PRSS56: variants seen among roughly 807,000 people sequenced by gnomAD.
PRSS56 encodes protease, serine 56.
PRSS56 carries 55 observed loss-of-function variants against 66.8 expected under a neutral mutation model. The observed-to-expected ratio is 0.82, with a 90% CI of 0.66 to 1.03. The LOEUF (loss-of-function observed/expected upper bound fraction) is 1.03, where lower values mean the gene tolerates loss of function less well. PRSS56 is among the 50% of genes least tolerant of loss of function. The pLI is 0.00. For synonymous variants in PRSS56, 409 were observed against 387.9 expected, an observed-to-expected ratio of 1.05 and a Z score of -0.64; for missense variants, 869 against 837.2, an observed-to-expected ratio of 1.04 and a Z score of -0.47.
rs1691286838 is a variant in PRSS56, at chr2:232,521,956, C to T, written c.257-15C>T. 2.7e-6 allele frequency: 4 copies of T among 1,499,886 alleles called. No individual in the cohort carries two copies. Among genetic ancestry groups the T allele is most frequent in the Non-Finnish European group, 2.7e-6 (3 of 1,126,434 alleles). The allele number at this position is 1,499,886 out of a possible 1,614,324, so 92.9% of individuals were successfully genotyped here. ...CCAGAACATGTCCCTCGTGACACCC[C>T]TTGCCCCTTTCTAGGGCCGTGCGGC... On this transcript the variant is annotated splice_polypyrimidine_tract_variant and intron_variant, in intron 3 of 12. Coordinates refer to ENST00000617714, the MANE Select transcript of PRSS56 (RefSeq NM_001195129.2).
At position 232,523,351 on chromosome 2, in the gene PRSS56, GC is replaced by G. The variant is rs1691327263; in HGVS notation, c.850-63del. The G allele has an allele frequency of 7.0e-6, 10 of 1,426,302 alleles. No homozygotes were observed. In the East Asian group the frequency reaches 2.3e-4, roughly 33 times the overall value. The allele number at this position is 1,426,302 out of a possible 1,614,324, so 88.4% of individuals were successfully genotyped here. A position where few individuals can be genotyped will look rare whatever the true frequency, so the allele number is the denominator to read the frequency against. On this transcript the variant is annotated intron_variant, in intron 7 of 12. Coordinates refer to ENST00000617714, the MANE Select transcript of PRSS56 (RefSeq NM_001195129.2). ...GGACACAAGTGGCAAGCTCACACCT[GC>G]CAGGCGTAAGGCAGGCGTCATAGGG... is the stretch of plus-strand genomic sequence containing the variant.
chr2:232,524,414 G>A (rs1331480901), intron 11 of PRSS56, 45 bp downstream of exon 11: 8 of 1,516,062 alleles, frequency 5.3e-6, no homozygotes, highest in Middle Eastern at 1.9e-4. Context: ...TAGGCTGAGG[G>A]CCTGGACGAG....
intron 12 of PRSS56, 40 bp from the exon 13 acceptor site, chr2:232,525,176 T>A (rs1691396217): frequency 2.1e-6 from 3 of 1,430,558 alleles, no homozygotes; most frequent in Non-Finnish European, 2.7e-6. Flanking sequence ...AACTCAGGAG[T>A]GAGTTTCTGG....
rs2853446 is a variant in PRSS56, at chr2:232,524,616, C to T, written c.1415-122C>T. The T allele has an allele frequency of 0.48, 355,292 of 746,768 alleles. 86,241 individuals carry two copies. The highest frequency in any genetic ancestry group is 0.64 in the East Asian group (23,348 of 36,592). The allele number at this position is 746,768 out of a possible 1,614,324, so 46.3% of individuals were successfully genotyped here. ...ACTTCTCCGAGCCTCAGTTTCCCCA[C>T]CTATAGCATAAGAGGATAAGTGTGT... On this transcript the variant is annotated intron_variant, in intron 11 of 12. Transcript: ENST00000617714.
intron 3 of PRSS56, 42 bp from the exon 4 acceptor site, chr2:232,521,929 G>A: frequency 1.3e-6 from 2 of 1,521,426 alleles, no homozygotes; most frequent in Non-Finnish European, 1.8e-6. Context: ...AGGCGAGGAT[G>A]GCCAGAACAT....
intron 1 of PRSS56, 95 bp downstream of exon 1, chr2:232,520,790 A>C (rs946654175): frequency 1.3e-6 from 1 of 750,824 alleles, no homozygotes. Context: ...TGTCACCCCC[A>C]CTCATAAGGA....
chr2:232,523,394 G>T (rs1006340246), intron 7 of PRSS56, 22 bp from the exon 8 acceptor site: 3 of 1,434,706 alleles, frequency 2.1e-6, no homozygotes, highest in Non-Finnish European at 2.7e-6. Context: ...TGAATGCAGC[G>T]TCCTCTCTCT....
At position 232,522,783 on chromosome 2, in the gene PRSS56, G is replaced by A; in HGVS notation, c.628G>A (p.Val210Met). The A allele has an allele frequency of 6.6e-7, 1 of 1,519,622 alleles. No individual in the cohort carries two copies. Among genetic ancestry groups the A allele is most frequent in the Non-Finnish European group, 8.8e-7 (1 of 1,136,050 alleles). 94.1% of individuals were successfully genotyped at this position (1,519,622 alleles called of 1,614,324 possible). A position where few individuals can be genotyped will look rare whatever the true frequency, so the allele number is the denominator to read the frequency against. The change falls in exon 6 of 13, where the codon GTG (valine) becomes ATG (methionine). Residue 210 changes from valine to methionine, a missense_variant. By Grantham distance (21) the Val-to-Met change is conservative. Coordinates refer to ENST00000617714, the MANE Select transcript of PRSS56 (RefSeq NM_001195129.2). The stretch of plus-strand genomic sequence containing the variant: ...GAGCCCGGGGGGATCGGCGCGCCCC[G>A]TGTGCCTGCCCCAGGAGCCCCAGGA... The part of the protein sequence containing the change: ...PVSPGGSARP[V>M]CLPQEPQEPP...
Position 232,522,794 on chromosome 2 carries a change from C to G in PRSS56, c.639C>G (p.Pro213=), listed in dbSNP as rs1359050534. ...GATCGGCGCGCCCCGTGTGCCTGCC[C>G]CAGGAGCCCCAGGAGCCCCCTGCCG... is the stretch of plus-strand genomic sequence containing the variant. ...PGGSARPVCL[P]QEPQEPPAGT... Residue 213 remains proline (P), a synonymous_variant, in exon 6 of 13, where the codon CCC becomes CCG. Transcript: ENST00000617714. 1 of 1,501,164 alleles carries G rather than the reference C, an allele frequency of 6.7e-7. No homozygotes were observed. The highest frequency in any genetic ancestry group is 2.1e-5 in the Admixed American group (1 of 47,322). The allele number at this position is 1,501,164 out of a possible 1,614,324, so 93.0% of individuals were successfully genotyped here.
Position 232,523,824 on chromosome 2 carries a change from C to G in PRSS56, c.1065C>G (p.Pro355=). The change falls in exon 9 of 13, where the codon CCC becomes CCG. Residue 355 remains proline, a synonymous_variant. Coordinates refer to ENST00000617714, the MANE Select transcript of PRSS56 (RefSeq NM_001195129.2). Reference sequence around the variant, plus strand: ...GGGAGCTTCTGGCCTGGGACCCCCCCCAGGAGCTGCAGGCAGACGCCGCCC... The same window carrying G: ...GGGAGCTTCTGGCCTGGGACCCCCCGCAGGAGCTGCAGGCAGACGCCGCCC... ...SCRELLAWDP[P]QELQADAARL... is the part of the protein sequence containing the mutation. 4.6e-6 allele frequency: 7 copies of G among 1,533,662 alleles called. No homozygotes were observed. The highest frequency in any genetic ancestry group is 2.0e-5 in the Admixed American group (1 of 50,966).
rs2853447 is a variant in PRSS56 at position 232,525,208 on chromosome 2, A to C, written c.1522-8A>C. The C allele has an allele frequency of 2.0e-6, 3 of 1,468,728 alleles. No individual in the cohort carries two copies. The highest frequency in any genetic ancestry group is 1.8e-6 in the Non-Finnish European group (2 of 1,112,630). The allele number at this position is 1,468,728 out of a possible 1,614,324, so 91.0% of individuals were successfully genotyped here. The stretch of plus-strand genomic sequence containing the variant: ...CTGGGCCCCTGATCCCCACTCCTCC[A>C]TCTGTAGGTCCTGGCAGATCTGGGC... On this transcript the variant is annotated splice_region_variant and splice_polypyrimidine_tract_variant and intron_variant, in intron 12 of 12. Coordinates refer to ENST00000617714, the MANE Select transcript of PRSS56 (RefSeq NM_001195129.2).
chr2:232,524,511 C>G lies in PRSS56; in HGVS notation c.1414+142C>G, dbSNP rs1186671039. 3 of 839,544 alleles carry G rather than the reference C, an allele frequency of 3.6e-6. No individual in the cohort carries two copies. The African/African-American group carries it at 5.1e-5, about 14-fold the overall frequency. The allele number at this position is 839,544 out of a possible 1,614,324, so 52.0% of individuals were successfully genotyped here. ...TCGTTCTCCCCTCCCCGCCATAGAG[C>G]GTATGACTCTTTTGGAGTACTTGTG... On this transcript the variant is annotated intron_variant, in intron 11 of 12. Transcript: ENST00000617714.
chr2:232,520,999 T>G (rs1462888345), intron 1 of PRSS56, among the ~76,000 whole-genome samples: 1 of 152,174 alleles, frequency 6.6e-6, no homozygotes, highest in Non-Finnish European at 1.5e-5. Context: ...GGTGGGCCAC[T>G]CAAACACAGC....
intron 3 of PRSS56, 38 bp downstream of exon 3, chr2:232,521,904 C>G: frequency 6.5e-7 from 1 of 1,529,434 alleles, no homozygotes; most frequent in Non-Finnish European, 8.8e-7. Flanking sequence ...GGCCTGAGAG[C>G]CGGGTGGGCC....
intron 1 of PRSS56, among the ~76,000 whole-genome samples, chr2:232,521,075 A>AG (rs1422079844): frequency 6.6e-6 from 1 of 152,200 alleles, no homozygotes; most frequent in African/African-American, 2.4e-5. Flanking sequence ...TTTAAAAAAA[A>AG]TTGTTAAGGA....
Position 232,525,510 on chromosome 2 carries a change from A to T in PRSS56, c.*4A>T. The T allele has an allele frequency of 6.9e-7, 1 of 1,453,270 alleles. No individual in the cohort carries two copies. Among genetic ancestry groups the T allele is most frequent in the Non-Finnish European group, 9.1e-7 (1 of 1,099,712 alleles). 90.0% of individuals were successfully genotyped at this position (1,453,270 alleles called of 1,614,324 possible). A position where few individuals can be genotyped will look rare whatever the true frequency, so the allele number is the denominator to read the frequency against. On this transcript the variant is annotated 3_prime_UTR_variant, in exon 13 of 13. Transcript: ENST00000617714. The stretch of plus-strand genomic sequence containing the variant: ...ACCCCCCGCCAGGCAACCCTGAGCC[A>T]TGTCTGGGCCCCCAGCCCCTGGGGA...
chr2:232,525,447 C>T lies in PRSS56; in HGVS notation c.1753C>T (p.Leu585=). 1 of 1,528,590 alleles carries T rather than the reference C, an allele frequency of 6.5e-7. No homozygotes were observed. Among genetic ancestry groups the T allele is most frequent in the South Asian group, 1.2e-5 (1 of 83,660 alleles). The allele number at this position is 1,528,590 out of a possible 1,614,324, so 94.7% of individuals were successfully genotyped here. A position where few individuals can be genotyped will look rare whatever the true frequency, so the allele number is the denominator to read the frequency against. ...GATGGATGTAGGGCAGGGGCCCGGG[C>T]TGGAGAGGAAGGGGCACCACCCACT... ...PWMDVGQGPG[L]ERKGHHPLNP... The change falls in exon 13 of 13, where the codon CTG becomes TTG. Residue 585 remains leucine, a synonymous_variant. Coordinates refer to ENST00000617714, the MANE Select transcript of PRSS56 (RefSeq NM_001195129.2).
At chr2:232,522,229 C>A in intron 4 of PRSS56, 69 bp downstream of exon 4, 1 of 1,324,694 alleles carries the variant, frequency 7.5e-7, no homozygotes, top group Non-Finnish European at 9.8e-7. Context: ...GCCGGGTTGT[C>A]CGGCGGGCGA....
At position 232,525,711 on chromosome 2, in the gene PRSS56, C is replaced by A; in HGVS notation, c.*205C>A. The stretch of plus-strand genomic sequence containing the variant: ...TTTAATAAATGTTATTTATAATACA[C>A]GGAAACAACTCTGGAGCTTTCTTGG... On this transcript the variant is annotated 3_prime_UTR_variant, in exon 13 of 13. Coordinates refer to ENST00000617714, the MANE Select transcript of PRSS56 (RefSeq NM_001195129.2). The A allele has an allele frequency of 1.9e-6, 1 of 532,056 alleles. No individual in the cohort carries two copies. Among genetic ancestry groups the A allele is most frequent in the Non-Finnish European group, 3.2e-6 (1 of 307,910 alleles). 33.0% of individuals were successfully genotyped at this position (532,056 alleles called of 1,614,324 possible).
Sources: gnomAD v4.1 joint callset for allele counts (sites outside exome capture counted in the v4.1 genomes callset) on GRCh38, gnomAD v4.1.1 for gene constraint, MANE v1.5 for transcripts, NCBI Gene and HGNC (gene_info 2026-07-23, HGNC 2026-07-21) for gene names.